The following ACSS2 variants were observed in gnomAD, a reference collection of about 807,000 sequenced individuals.
ACSS2 encodes acyl-CoA synthetase short chain family member 2, also known as acetyl-coenzyme A synthetase, cytoplasmic.
ACSS2 carries 58 observed loss-of-function variants against 90.6 expected under a neutral mutation model. The observed-to-expected ratio is 0.64, with a 90% confidence interval of 0.52 to 0.80. The LOEUF (loss-of-function observed/expected upper bound fraction) is 0.80. Ranked by LOEUF, ACSS2 falls within the 30% of genes least tolerant of loss-of-function variation. The pLI is 0.00. For synonymous variants in ACSS2, 300 were observed against 330.9 expected, an observed-to-expected ratio of 0.91 and a Z score of 1.01; for missense variants, 759 against 912.0, an observed-to-expected ratio of 0.83 and a Z score of 2.16.
intron 1 of ACSS2, among the ~76,000 whole-genome samples, chr20:34,878,490 C>T (rs892873834): frequency 6.6e-6 from 1 of 152,112 alleles, no homozygotes; most frequent in Non-Finnish European, 1.5e-5. Context: ...CTATAACATG[C>T]CTGATGCACA....
intron 7 of ACSS2, among the ~76,000 whole-genome samples, chr20:34,918,574 A>C (rs1001911542): frequency 6.6e-6 from 1 of 152,178 alleles, no homozygotes; most frequent in Non-Finnish European, 1.5e-5. Flanking sequence ...TGCTGAATGG[A>C]ACCTGTCCCC....
intron 7 of ACSS2, chr20:34,915,077 C>T: frequency 1.2e-6 from 1 of 855,624 alleles, no homozygotes; most frequent in South Asian, 1.5e-5. Context: ...TATATAGGGG[C>T]TGGAATCAGG....
At chr20:34,915,231 A>G in intron 7 of ACSS2, 1 of 1,613,946 alleles carries the variant, frequency 6.2e-7, no homozygotes, top group Non-Finnish European at 8.5e-7. Context: ...AAACTGAAAG[A>G]GAAATCCAAG....
At chr20:34,885,720 A>C (rs2080175557) in intron 2 of ACSS2, among the ~76,000 whole-genome samples, 1 of 152,316 alleles carries the variant, frequency 6.6e-6, no homozygotes, top group South Asian at 2.1e-4. Flanking sequence ...ACTTTTTGCC[A>C]GCATGCTATT....
intron 16 of ACSS2, 96 bp from the exon 17 acceptor site, chr20:34,926,781 G>A: frequency 8.1e-7 from 1 of 1,236,870 alleles, no homozygotes. Flanking sequence ...GGGACTTGAG[G>A]AGGAAACAGG....
At chr20:34,920,051 C>T (rs2081162227) in intron 8 of ACSS2, among the ~76,000 whole-genome samples, 1 of 152,160 alleles carries the variant, frequency 6.6e-6, no homozygotes, top group African/African-American at 2.4e-5. Context: ...TACCTTCTGC[C>T]CACTCCACCC....
chr20:34,919,509 G>A lies in ACSS2; in HGVS notation c.909G>A (p.Glu303=), dbSNP rs2081148366. ...AGGCAGGGGATGAGTGTGAGCCCGAGTGGTGTGATGCCGAGGACCCACTCT... is the reference window on the plus strand; with the variant it reads ...AGGCAGGGGATGAGTGTGAGCCCGAATGGTGTGATGCCGAGGACCCACTCT... ...MQEAGDECEP[E]WCDAEDPLFI... The change falls in exon 8 of 18, where the codon GAG becomes GAA. Residue 303 remains glutamate, a synonymous_variant. Transcript: ENST00000360596. 6.2e-7 allele frequency: 1 copy of A among 1,612,510 alleles called. No individual in the cohort carries two copies. The highest frequency in any genetic ancestry group is 8.5e-7 in the Non-Finnish European group (1 of 1,180,002).
At chr20:34,880,011 T>C (rs1231203473) in intron 1 of ACSS2, among the ~76,000 whole-genome samples, 1 of 152,232 alleles carries the variant, frequency 6.6e-6, no homozygotes, top group South Asian at 2.1e-4. Context: ...GATACATGAA[T>C]GGCATTTACT....
chr20:34,899,423 T>TTTCTCTTTCCTTCCTTCCTTCC (rs1491564858), intron 2 of ACSS2, among the ~76,000 whole-genome samples: 21 of 113,070 alleles, frequency 1.9e-4, no homozygotes, highest in South Asian at 1.6e-3. Flanking sequence ...TCTTTCTTTC[T>TTTCTCTTTCCTTCCTTCCTTCC]TTCCTTCCTT....
intron 7 of ACSS2, among the ~76,000 whole-genome samples, chr20:34,917,909 C>T (rs534038817): frequency 1.8e-4 from 27 of 152,238 alleles, no homozygotes; most frequent in Admixed American, 1.2e-3. Context: ...TCTACCACCA[C>T]GCCTGGCTAC....
At chr20:34,885,428 G>A (rs902793296) in intron 2 of ACSS2, among the ~76,000 whole-genome samples, 6 of 152,042 alleles carry the variant, frequency 3.9e-5, no homozygotes, top group Non-Finnish European at 8.8e-5. Flanking sequence ...ACCTGAACAG[G>A]CTCTGGAGAG....
rs778572803 is a variant in ACSS2, at chr20:34,920,655, T to C, written c.1089T>C (p.Thr363=). The C allele has an allele frequency of 6.2e-7, 1 of 1,614,164 alleles. No homozygotes were observed. ...GCACGGCAGACATTGGTTGGATCACTGGTCATTCCTACGTCACCTATGGGC... is the reference window on the plus strand; with the variant it reads ...GCACGGCAGACATTGGTTGGATCACCGGTCATTCCTACGTCACCTATGGGC... ...FWCTADIGWI[T]GHSYVTYGPL... Residue 363 remains threonine (T), a synonymous_variant, in exon 9 of 18, where the codon ACT becomes ACC. Transcript: ENST00000360596.
At chr20:34,908,838 G>T (rs1002732744) in intron 2 of ACSS2, 2 of 396,596 alleles carry the variant, frequency 5.0e-6, no homozygotes, top group Admixed American at 6.8e-5. Flanking sequence ...TCCAGCCTGG[G>T]CAACAGGAGC....
At chr20:34,908,496 C>A (rs1015408938) in intron 2 of ACSS2, among the ~76,000 whole-genome samples, 1 of 152,180 alleles carries the variant, frequency 6.6e-6, no homozygotes, top group Non-Finnish European at 1.5e-5. Context: ...TCAAATATCA[C>A]CTCTCCAGAG....
intron 2 of ACSS2, among the ~76,000 whole-genome samples, chr20:34,884,451 T>TA (rs1029320495): frequency 1.3e-5 from 2 of 152,276 alleles, no homozygotes; most frequent in Non-Finnish European, 2.9e-5. Flanking sequence ...GGCATTTAAC[T>TA]AAGAGTCAGT....
chr20:34,915,186 T>C (rs756353958), intron 7 of ACSS2: 2 of 1,613,590 alleles, frequency 1.2e-6, no homozygotes, highest in South Asian at 2.2e-5. Context: ...TGGACCCTCC[T>C]CACTACCCTT....
chr20:34,899,055 C>T (rs910996497), intron 2 of ACSS2, among the ~76,000 whole-genome samples: 1 of 152,226 alleles, frequency 6.6e-6, no homozygotes, highest in Admixed American at 6.5e-5. Flanking sequence ...GGTGCTAAGC[C>T]CCTCATTGCC....
intron 14 of ACSS2, 123 bp downstream of exon 14, chr20:34,923,554 AAG>A: frequency 1.4e-6 from 1 of 740,140 alleles, no homozygotes; most frequent in Non-Finnish European, 2.3e-6. Flanking sequence ...TTATAAAGAA[AAG>A]AGGTTTATTT....
chr20:34,923,808 C>G (rs1436194733), intron 14 of ACSS2, among the ~76,000 whole-genome samples: 1 of 137,216 alleles, frequency 7.3e-6, no homozygotes, highest in African/African-American at 2.6e-5. Flanking sequence ...CTGTCCCCCC[C>G]GCCCCCCCCA....
Sources: allele counts gnomAD v4.1 joint callset (sites outside exome capture counted in the v4.1 genomes callset), GRCh38; gene constraint gnomAD v4.1.1; transcripts MANE v1.5; gene names NCBI Gene and HGNC (gene_info 2026-07-23, HGNC 2026-07-21).